HMGCS1: variants seen among roughly 807,000 people sequenced by gnomAD.
HMGCS1 encodes the protein 3-hydroxy-3-methylglutaryl-CoA synthase 1, also known as hydroxymethylglutaryl-CoA synthase, cytoplasmic.
Under a neutral mutation model 52.3 loss-of-function variants are expected in HMGCS1, and 9 were observed. The ratio of observed to expected loss-of-function variants is 0.17; its 90% CI spans 0.10 to 0.30. The LOEUF (loss-of-function observed/expected upper bound fraction) is 0.30. Ranked by LOEUF, HMGCS1 falls within the 10% of genes least tolerant of loss-of-function variation. The probability of loss-of-function intolerance (pLI) is 1.00; values close to 1 mark genes in which losing one functional copy is unlikely to be tolerated. For synonymous variants in HMGCS1, 176 were observed against 214.4 expected (o/e 0.82, Z 1.57); for missense variants, 320 against 620.9 (o/e 0.52, Z 5.15).
chr5:43,301,222 T>A lies in HMGCS1; in HGVS notation c.-10-2247A>T, dbSNP rs547185869. Among the ~76,000 whole-genome samples the A allele has an allele frequency of 5.3e-5, 8 of 152,242 alleles. No individual in the cohort carries two copies. The South Asian group carries it at 1.0e-3, about 20-fold the overall frequency. On this transcript the variant is annotated intron_variant, in intron 2 of 10. Transcript: ENST00000325110. ...TGAAGAAAGGCAAGCTACAAGGAAT[T>A]ACAAAAAACTTTACTTGTCTATTGG...
At position 43,287,642 on chromosome 5, in the gene HMGCS1, G is replaced by A. The variant is rs1400677406; in HGVS notation, c.*3489C>T. ...GCATTTCAGAACTGTCTGCCCAGGT[G>A]ATGAAAAGAGTAATCAGTTATCCAC... On this transcript the variant is annotated 3_prime_UTR_variant, in exon 11 of 11. Transcript: ENST00000325110. 1 of 152,232 alleles carries A rather than the reference G, an allele frequency of 6.6e-6. No individual in the cohort carries two copies. Among genetic ancestry groups the A allele is most frequent in the Non-Finnish European group, 1.5e-5 (1 of 68,062 alleles). 9.4% of individuals were successfully genotyped at this position (152,232 alleles called of 1,614,324 possible).
At chr5:43,297,392 A>G (rs981533463) in intron 4 of HMGCS1, among the ~76,000 whole-genome samples, 1 of 152,238 alleles carries the variant, frequency 6.6e-6, no homozygotes, top group Non-Finnish European at 1.5e-5. Context: ...TGTCAGTTTC[A>G]TAACTCTAAC....
In HMGCS1 at chr5:43,291,007, A is replaced by C; in HGVS notation, c.*124T>G. 1 of 639,070 alleles carries C rather than the reference A, an allele frequency of 1.6e-6. No homozygotes were observed. Among genetic ancestry groups the C allele is most frequent in the Admixed American group, 2.5e-5 (1 of 39,334 alleles). 39.6% of individuals were successfully genotyped at this position (639,070 alleles called of 1,614,324 possible). A position where few individuals can be genotyped will look rare whatever the true frequency, so the allele number is the denominator to read the frequency against. On this transcript the variant is annotated 3_prime_UTR_variant, in exon 11 of 11. Coordinates refer to ENST00000325110, the MANE Select transcript of HMGCS1 (RefSeq NM_001098272.3). ...TAGTCATCCAGGCTCCATGTCAGTC[A>C]CATAAAAATTTACATAACATGTAAT...
At chr5:43,296,238 C>G (rs1754025971) in intron 5 of HMGCS1, among the ~76,000 whole-genome samples, 1 of 151,970 alleles carries the variant, frequency 6.6e-6, no homozygotes, top group Non-Finnish European at 1.5e-5. Context: ...AAATAGCAAA[C>G]TGAATAACTT....
chr5:43,312,291 A>G (rs1417293979), intron 1 of HMGCS1, among the ~76,000 whole-genome samples: 1 of 152,214 alleles, frequency 6.6e-6, no homozygotes, highest in Non-Finnish European at 1.5e-5. Flanking sequence ...CAGCAACCAG[A>G]ACACATCATC....
chr5:43,310,383 A>G (rs1754800013), intron 1 of HMGCS1, among the ~76,000 whole-genome samples: 1 of 152,236 alleles, frequency 6.6e-6, no homozygotes, highest in South Asian at 2.1e-4. Flanking sequence ...CCAAGTCTAC[A>G]TAGCCTACTC....
intron 7 of HMGCS1, 69 bp downstream of exon 7, chr5:43,294,622 G>T: frequency 8.4e-7 from 1 of 1,187,896 alleles, no homozygotes; most frequent in Non-Finnish European, 1.2e-6. Flanking sequence ...CTTGACACTA[G>T]ATTTGGTCTT....
rs1753577291 is a variant in HMGCS1 at position 43,288,100 on chromosome 5, T to C, written c.*3031A>G. The C allele has an allele frequency of 6.6e-6, 1 of 152,186 alleles. No individual in the cohort carries two copies. Among genetic ancestry groups the C allele is most frequent in the African/African-American group, 2.4e-5 (1 of 41,446 alleles). The allele number at this position is 152,186 out of a possible 1,614,324, so 9.4% of individuals were successfully genotyped here. A position where few individuals can be genotyped will look rare whatever the true frequency, so the allele number is the denominator to read the frequency against. Reference sequence around the variant, plus strand: ...AGTCTGCAAGGCTGAATAAGGAATATACATAGAATGAATAGTGCTTACTAC... The same window carrying C: ...AGTCTGCAAGGCTGAATAAGGAATACACATAGAATGAATAGTGCTTACTAC... On this transcript the variant is annotated 3_prime_UTR_variant, in exon 11 of 11. Coordinates refer to ENST00000325110, the MANE Select transcript of HMGCS1 (RefSeq NM_001098272.3).
chr5:43,299,030 T>G (rs955887672), intron 2 of HMGCS1, 55 bp from the exon 3 acceptor site: 1 of 1,302,768 alleles, frequency 7.7e-7, no homozygotes. Context: ...TTGCTGGTTT[T>G]CAACTTTGAA....
intron 1 of HMGCS1, among the ~76,000 whole-genome samples, chr5:43,309,392 A>C (rs972205556): frequency 2.0e-5 from 3 of 152,068 alleles, no homozygotes; most frequent in African/African-American, 7.2e-5. Context: ...GGCACATGCC[A>C]CAATACACAG....
intron 8 of HMGCS1, among the ~76,000 whole-genome samples, chr5:43,293,248 C>T (rs7714919): frequency 0.56 from 85,384 of 151,950 alleles, 24,529 homozygotes; most frequent in Middle Eastern, 0.72. Flanking sequence ...ATCCATGGTA[C>T]AATTATTTTA....
Position 43,298,938 on chromosome 5 carries a change from C to G in HMGCS1, c.28G>C (p.Glu10Gln). 1 of 1,613,488 alleles carries G rather than the reference C, an allele frequency of 6.2e-7. No individual in the cohort carries two copies. Among genetic ancestry groups the G allele is most frequent in the Non-Finnish European group, 8.5e-7 (1 of 1,179,758 alleles). ...CCCACATCTTTTGGCCAGCAAGCTTCTGCATTCAAAGGAAGTGATCCAGGC... is the reference window on the plus strand; with the variant it reads ...CCCACATCTTTTGGCCAGCAAGCTTGTGCATTCAAAGGAAGTGATCCAGGC... MPGSLPLNA[E>Q]ACWPKDVGIV... The change falls in exon 3 of 11, where the codon GAA (glutamate) becomes CAA (glutamine). Residue 10 changes from glutamate to glutamine, a missense_variant. Physicochemically the swap from Glu to Gln is conservative, Grantham distance 29. Transcript: ENST00000325110. The surrounding 1 kb of genome is among the most constrained non-coding windows in gnomAD (Gnocchi z 5.6).
intron 1 of HMGCS1, among the ~76,000 whole-genome samples, chr5:43,308,628 A>C (rs914716183): frequency 6.6e-6 from 1 of 152,162 alleles, no homozygotes; most frequent in East Asian, 1.9e-4. Context: ...TGACTGGAAC[A>C]TATTCTTCAG....
At chr5:43,309,525 C>T (rs1331270425) in intron 1 of HMGCS1, among the ~76,000 whole-genome samples, 1 of 152,132 alleles carries the variant, frequency 6.6e-6, no homozygotes, top group Non-Finnish European at 1.5e-5. Context: ...TAGGCGTGGG[C>T]CACCTTGCCT....
At chr5:43,295,556 T>A (rs1220630528) in intron 6 of HMGCS1, among the ~76,000 whole-genome samples, 196 bp downstream of exon 6, 1 of 152,146 alleles carries the variant, frequency 6.6e-6, no homozygotes, top group Non-Finnish European at 1.5e-5. Flanking sequence ...TGAATAGAAA[T>A]GTCTAAAGAA....
In HMGCS1 at chr5:43,298,555, G is replaced by C; in HGVS notation, c.411C>G (p.Phe137Leu). 5 of 1,614,016 alleles carry C rather than the reference G, an allele frequency of 3.1e-6. No individual in the cohort carries two copies. The change falls in exon 3 of 11, where the codon TTC becomes TTG. Residue 137 changes from phenylalanine (F) to leucine (L), a missense_variant. Transcript: ENST00000325110. This position sits in a 1 kb window ranked among gnomAD's most constrained non-coding sequence, Gnocchi z 5.6. ...NACYGGTAAV[F>L]NAVNWIESSS... Reference sequence around the variant, plus strand: ...TGGACTCAATCCAGTTAACAGCATTGAAGACAGCAGCTGTGCCTCCATAGC... The same window carrying C: ...TGGACTCAATCCAGTTAACAGCATTCAAGACAGCAGCTGTGCCTCCATAGC...
At chr5:43,296,933 C>A in intron 5 of HMGCS1, 69 bp downstream of exon 5, 1 of 1,216,840 alleles carries the variant, frequency 8.2e-7, no homozygotes, top group Non-Finnish European at 1.2e-6. Flanking sequence ...TAGTTGCCTA[C>A]CAAAGATACC....
Position 43,292,226 on chromosome 5 carries a change from C to T in HMGCS1, c.1473+248G>A, listed in dbSNP as rs184990941. Among the ~76,000 whole-genome samples, 925 of 151,986 alleles carry T rather than the reference C, an allele frequency of 6.1e-3. 13 individuals carry two copies. Among genetic ancestry groups the T allele is most frequent in the African/African-American group, 0.021 (886 of 41,460 alleles). ...CAGGATGGTCTTGATCTCCTGACCT[C>T]GTGATCTGCCTGCCTCAGTCTCCCA... On this transcript the variant is annotated intron_variant, in intron 10 of 10. Coordinates refer to ENST00000325110, the MANE Select transcript of HMGCS1 (RefSeq NM_001098272.3).
At chr5:43,291,815 C>T (rs1753780865) in intron 10 of HMGCS1, among the ~76,000 whole-genome samples, 1 of 152,102 alleles carries the variant, frequency 6.6e-6, no homozygotes, top group East Asian at 1.9e-4. Flanking sequence ...ATTGTTACTT[C>T]TTGACAATTT....
Sources: allele counts gnomAD v4.1 joint callset (sites outside exome capture counted in the v4.1 genomes callset), GRCh38; gene constraint gnomAD v4.1.1; non-coding constraint Gnocchi (gnomAD v3.1); transcripts MANE v1.5; gene names NCBI Gene and HGNC (gene_info 2026-07-23, HGNC 2026-07-21).